Variants in KHDC1 observed in about 807,000 individuals in gnomAD.
The protein encoded by KHDC1 is KH domain containing 1.
A neutral mutation model predicts 24.7 loss-of-function variants in KHDC1; 21 were observed. The ratio of observed to expected loss-of-function variants is 0.85; its 90% CI spans 0.60 to 1.23. The LOEUF (loss-of-function observed/expected upper bound fraction) is 1.23. KHDC1 is among the 50% of genes most tolerant of loss of function. The pLI is 0.00. For synonymous variants in KHDC1, 98 were observed against 111.7 expected, an observed-to-expected ratio of 0.88 and a Z score of 0.77; for missense variants, 274 against 298.5, an observed-to-expected ratio of 0.92 and a Z score of 0.61.
chr6:73,256,591 T>C (rs1766883884), intron 2 of KHDC1, among the ~76,000 whole-genome samples: 1 of 152,208 alleles, frequency 6.6e-6, no homozygotes, highest in South Asian at 2.1e-4. Flanking sequence ...CTGCCAAACA[T>C]AGCTGGTGTA....
chr6:73,301,962 T>C (rs1030411868), intron 1 of KHDC1, among the ~76,000 whole-genome samples: 4 of 152,110 alleles, frequency 2.6e-5, no homozygotes, highest in African/African-American at 9.7e-5. Flanking sequence ...TTAAGAACTC[T>C]ATATAGATTC....
intron 2 of KHDC1, among the ~76,000 whole-genome samples, chr6:73,286,518 A>G (rs1029852675): frequency 3.3e-5 from 5 of 152,180 alleles, no homozygotes; most frequent in Non-Finnish European, 7.3e-5. Flanking sequence ...CACCTCTTCT[A>G]TTCTCTAAAA....
intron 2 of KHDC1, among the ~76,000 whole-genome samples, chr6:73,288,182 C>A (rs1194641178): frequency 6.6e-6 from 1 of 152,200 alleles, no homozygotes; most frequent in Non-Finnish European, 1.5e-5. Context: ...GCAGACTCAA[C>A]CAAGTGGTGG....
chr6:73,263,120 C>T, intron 2 of KHDC1: 3 of 996,882 alleles, frequency 3.0e-6, no homozygotes, highest in Non-Finnish European at 3.6e-6. Context: ...ACAGCGGTAC[C>T]TCCTGGGCCG....
intron 2 of KHDC1, among the ~76,000 whole-genome samples, chr6:73,260,173 C>A (rs941905740): frequency 3.3e-5 from 5 of 152,040 alleles, no homozygotes; most frequent in Non-Finnish European, 7.4e-5. Flanking sequence ...ACCCATATAT[C>A]CATATAAAAA....
intron 1 of KHDC1, among the ~76,000 whole-genome samples, chr6:73,294,933 T>G (rs1767731836): frequency 6.6e-6 from 1 of 152,072 alleles, no homozygotes. Context: ...GTGGGCAGAT[T>G]GCTTGAGTCC....
intron 1 of KHDC1, chr6:73,301,185 A>G (rs1475597642): frequency 1.3e-5 from 2 of 151,526 alleles, no homozygotes; most frequent in Admixed American, 1.3e-4. Flanking sequence ...GCACCCCTGC[A>G]CTCCAGCCTG....
intron 2 of KHDC1, among the ~76,000 whole-genome samples, chr6:73,289,629 G>A (rs1767599365): frequency 6.6e-6 from 1 of 151,596 alleles, no homozygotes; most frequent in African/African-American, 2.4e-5. Flanking sequence ...CAGCCTGGGT[G>A]ACAGAGTAAG....
At chr6:73,297,910 G>A (rs1247308804) in intron 1 of KHDC1, among the ~76,000 whole-genome samples, 3 of 152,118 alleles carry the variant, frequency 2.0e-5, no homozygotes, top group Admixed American at 6.6e-5. Flanking sequence ...TCTGGCCTAC[G>A]GTGTCCTAGC....
chr6:73,291,114 T>C, intron 2 of KHDC1: 1 of 494,324 alleles, frequency 2.0e-6, no homozygotes, highest in Non-Finnish European at 4.0e-6. Flanking sequence ...CAATCTGAGG[T>C]TGCAGACTGG....
At chr6:73,253,052 CCTAT>C (rs1467933081) in intron 2 of KHDC1, among the ~76,000 whole-genome samples, 6 of 152,068 alleles carry the variant, frequency 3.9e-5, no homozygotes, top group Admixed American at 3.3e-4. Context: ...AAGGCTTAGT[CCTAT>C]CTATGTACTA....
At chr6:73,304,834 T>A (rs1401657146) in intron 1 of KHDC1, among the ~76,000 whole-genome samples, 1 of 152,192 alleles carries the variant, frequency 6.6e-6, no homozygotes, top group Non-Finnish European at 1.5e-5. Context: ...ATGCGTTTTC[T>A]TTGGAGGTCT....
At chr6:73,259,280 CTT>C (rs59935884) in intron 2 of KHDC1, among the ~76,000 whole-genome samples, 20 of 73,258 alleles carry the variant, frequency 2.7e-4, no homozygotes, top group East Asian at 2.5e-3. Flanking sequence ...ATCCAATATG[CTT>C]TTTTTTTTTT....
At chr6:73,303,816 G>T (rs1414971183) in intron 1 of KHDC1, among the ~76,000 whole-genome samples, 1 of 152,138 alleles carries the variant, frequency 6.6e-6, no homozygotes, top group Non-Finnish European at 1.5e-5. Flanking sequence ...ATTCTGAATT[G>T]TATCCTAGAA....
chr6:73,275,338 GA>G (rs1303744203), intron 2 of KHDC1: 1 of 155,858 alleles, frequency 6.4e-6, no homozygotes, highest in Non-Finnish European at 1.5e-5. Flanking sequence ...CAACAAGAGC[GA>G]AACTCTGTCT....
intron 2 of KHDC1, among the ~76,000 whole-genome samples, chr6:73,286,882 CA>C (rs34820901): frequency 2.2e-4 from 31 of 141,622 alleles, no homozygotes; most frequent in African/African-American, 2.4e-4. Flanking sequence ...GACTCTGTCT[CA>C]AAAAAAAAAA....
chr6:73,300,634 T>C (rs374013935), intron 1 of KHDC1: 2 of 152,130 alleles, frequency 1.3e-5, no homozygotes, highest in East Asian at 1.9e-4. Flanking sequence ...TCCATAAATA[T>C]TTGTTGAATG....
At chr6:73,271,225 G>C (rs1049299546) in intron 2 of KHDC1, among the ~76,000 whole-genome samples, 1 of 151,554 alleles carries the variant, frequency 6.6e-6, no homozygotes, top group Non-Finnish European at 1.5e-5. Flanking sequence ...TGTTGTTGGG[G>C]GGGACAGAAT....
intron 2 of KHDC1, among the ~76,000 whole-genome samples, chr6:73,272,779 G>A (rs576226797): frequency 6.6e-6 from 1 of 150,966 alleles, no homozygotes; most frequent in East Asian, 2.0e-4. Flanking sequence ...CCATCCCGGG[G>A]GGGAAAAGAA....
Sources: gnomAD v4.1 joint callset for allele counts (sites outside exome capture counted in the v4.1 genomes callset) on GRCh38, gnomAD v4.1.1 for gene constraint, MANE v1.5 for transcripts, NCBI Gene and HGNC (gene_info 2026-07-23, HGNC 2026-07-21) for gene names.